Variants in CBLN2 observed in about 807,000 individuals in gnomAD.
CBLN2 encodes cerebellin 2 precursor, also known as cerebellin-2.
In CBLN2, 7 loss-of-function variants were observed where a neutral mutation model predicts 15.0. That is an observed-to-expected ratio of 0.47 (90% CI 0.27 to 0.88). The LOEUF (loss-of-function observed/expected upper bound fraction) is 0.88, where lower values mean the gene tolerates loss of function less well. CBLN2 is among the 40% of genes least tolerant of loss of function. The probability of loss-of-function intolerance (pLI) is 0.14; values close to 1 mark genes in which losing one functional copy is unlikely to be tolerated. For synonymous variants in CBLN2, 149 were observed against 135.2 expected (o/e 1.10, Z -0.71); for missense variants, 242 against 304.5 (o/e 0.79, Z 1.53).
intron 1 of CBLN2, among the ~76,000 whole-genome samples, chr18:72,554,644 T>A (rs1239100779): frequency 6.6e-6 from 1 of 151,236 alleles, no homozygotes; most frequent in Non-Finnish European, 1.5e-5. Context: ...AAAAAAAAAA[T>A]TGAATGCCTG....
At chr18:72,582,258 A>G (rs2069410965) in intron 1 of CBLN2, among the ~76,000 whole-genome samples, 1 of 152,218 alleles carries the variant, frequency 6.6e-6, no homozygotes, top group African/African-American at 2.4e-5. Context: ...AGTTTCATAT[A>G]AAATATTGTG....
chr18:72,538,386 G>C lies in CBLN2; in HGVS notation c.478-13C>G, dbSNP rs757745362. The C allele has an allele frequency of 1.2e-6, 2 of 1,613,722 alleles. No homozygotes were observed. Among genetic ancestry groups the C allele is most frequent in the Non-Finnish European group, 8.5e-7 (1 of 1,179,770 alleles). ...GCATTAAACTGACCTAAAATGCAGA[G>C]AGTAGAGCTCAGCAGACCATAAAGC... On this transcript the variant is annotated splice_polypyrimidine_tract_variant and intron_variant, in intron 4 of 4. Transcript: ENST00000269503.
chr18:72,563,459 C>T (rs1336916849), intron 1 of CBLN2, among the ~76,000 whole-genome samples: 1 of 152,050 alleles, frequency 6.6e-6, no homozygotes, highest in African/African-American at 2.4e-5. Flanking sequence ...TTCCCCCCAC[C>T]CCATAACACA....
At chr18:72,572,888 A>G (rs1460849180) in intron 1 of CBLN2, among the ~76,000 whole-genome samples, 1 of 152,044 alleles carries the variant, frequency 6.6e-6, no homozygotes, top group Non-Finnish European at 1.5e-5. Flanking sequence ...ATTTTTTAAA[A>G]TTTAAGTATG....
chr18:72,572,110 G>T (rs2069336138), intron 1 of CBLN2, among the ~76,000 whole-genome samples: 1 of 152,086 alleles, frequency 6.6e-6, no homozygotes, highest in African/African-American at 2.4e-5. Flanking sequence ...TCTAGGGTTT[G>T]GGCTCTGAAG....
chr18:72,544,542 G>A (rs2144872891), upstream of CBLN2: 1 of 152,370 alleles, frequency 6.6e-6, no homozygotes, highest in East Asian at 1.9e-4. Context: ...CAGAAGACGG[G>A]GGAGTCCTGG....
intron 1 of CBLN2, among the ~76,000 whole-genome samples, chr18:72,549,950 G>A (rs189911318): frequency 7.2e-5 from 11 of 152,234 alleles, no homozygotes; most frequent in Admixed American, 2.6e-4. Context: ...AAGGTATTGC[G>A]GTTCCTAACA....
chr18:72,575,147 G>A (rs755042637), intron 1 of CBLN2, among the ~76,000 whole-genome samples: 1 of 152,182 alleles, frequency 6.6e-6, no homozygotes, highest in South Asian at 2.1e-4. Context: ...TAAAGGGATG[G>A]AGCTGAAAGT....
chr18:72,561,864 A>T (rs1197729754), intron 1 of CBLN2, among the ~76,000 whole-genome samples: 1 of 152,220 alleles, frequency 6.6e-6, no homozygotes, highest in East Asian at 1.9e-4. Flanking sequence ...CTGGAGGCTC[A>T]TGTGAATTAT....
rs2069120044 is a variant in CBLN2 at position 72,542,184 on chromosome 18, C to CG, written c.-25dup. 1 of 1,207,702 alleles carries CG rather than the reference C, an allele frequency of 8.3e-7. No individual in the cohort carries two copies. Among genetic ancestry groups the CG allele is most frequent in the Non-Finnish European group, 1.0e-6 (1 of 974,172 alleles). 74.8% of individuals were successfully genotyped at this position (1,207,702 alleles called of 1,614,324 possible). A position where few individuals can be genotyped will look rare whatever the true frequency, so the allele number is the denominator to read the frequency against. On this transcript the variant is annotated 5_prime_UTR_variant, in exon 3 of 5. Coordinates refer to ENST00000269503, the MANE Select transcript of CBLN2 (RefSeq NM_182511.4). ...ATCGGGACTGGTGGGAGGCGGCGCG[C>CG]GGGGGTGGAGGCCGGCGCCGGCGCG...
chr18:72,577,031 A>G (rs1162875840), intron 1 of CBLN2, among the ~76,000 whole-genome samples: 1 of 144,628 alleles, frequency 6.9e-6, no homozygotes. Context: ...GATATATATA[A>G]TGTATAAATT....
chr18:72,633,749 T>C (rs1456845000), intron 1 of CBLN2, among the ~76,000 whole-genome samples: 1 of 152,154 alleles, frequency 6.6e-6, no homozygotes, highest in Non-Finnish European at 1.5e-5. Context: ...AACATTTTAA[T>C]TAAGGGATTT....
At chr18:72,606,900 T>G (rs749293545) in intron 1 of CBLN2, among the ~76,000 whole-genome samples, 1 of 152,240 alleles carries the variant, frequency 6.6e-6, no homozygotes. Context: ...TTGCGCTCTT[T>G]CATGCACACA....
intron 1 of CBLN2, among the ~76,000 whole-genome samples, chr18:72,627,763 A>T (rs1377078466): frequency 2.0e-5 from 3 of 152,256 alleles, no homozygotes; most frequent in Non-Finnish European, 4.4e-5. Flanking sequence ...GAGCCTTTCT[A>T]AAATTTTAAG....
chr18:72,632,380 G>A (rs188618850), intron 1 of CBLN2, among the ~76,000 whole-genome samples: 2 of 152,094 alleles, frequency 1.3e-5, no homozygotes, highest in Admixed American at 1.3e-4. Context: ...TTTAATTGAA[G>A]TCAAAAATAA....
intron 4 of CBLN2, 94 bp downstream of exon 4, chr18:72,538,559 G>C (rs1337224810): frequency 1.3e-6 from 2 of 1,544,730 alleles, no homozygotes; most frequent in African/African-American, 1.4e-5. Flanking sequence ...CCAGTACCCT[G>C]TCTCCCTCAG....
chr18:72,572,262 ATT>A (rs34860718), intron 1 of CBLN2, among the ~76,000 whole-genome samples: 2 of 147,712 alleles, frequency 1.4e-5, no homozygotes, highest in Admixed American at 6.8e-5. Flanking sequence ...AGAATCATTG[ATT>A]TTTTTTTTTT....
chr18:72,597,463 A>G (rs1295976256), intron 1 of CBLN2, among the ~76,000 whole-genome samples: 1 of 152,218 alleles, frequency 6.6e-6, no homozygotes, highest in East Asian at 1.9e-4. Context: ...TATGGCCACT[A>G]TCACAGAGAT....
intron 1 of CBLN2, among the ~76,000 whole-genome samples, chr18:72,568,494 G>C (rs919740478): frequency 6.6e-6 from 1 of 151,328 alleles, no homozygotes; most frequent in African/African-American, 2.4e-5. Context: ...TTACTTATTA[G>C]ATTTTCATGA....
Sources: allele counts gnomAD v4.1 joint callset (sites outside exome capture counted in the v4.1 genomes callset), GRCh38; gene constraint gnomAD v4.1.1; transcripts MANE v1.5; gene names NCBI Gene and HGNC (gene_info 2026-07-23, HGNC 2026-07-21).